Variants in RPTOR observed in about 807,000 individuals in gnomAD.
RPTOR encodes the protein regulatory associated protein of MTOR complex 1.
RPTOR carries 21 observed loss-of-function variants against 169.9 expected under a neutral mutation model. The observed-to-expected ratio is 0.12, with a 90% CI of 0.09 to 0.18. The LOEUF is 0.18. RPTOR is among the 10% of genes least tolerant of loss of function. The probability of loss-of-function intolerance (pLI) is 1.00; values close to 1 mark genes in which losing one functional copy is unlikely to be tolerated. For missense variants in RPTOR, 1,133 were observed against 1,855.9 expected (o/e 0.61, Z 7.16); for synonymous variants, 732 against 753.2 (o/e 0.97, Z 0.46).
rs2069328652 is a variant in RPTOR at position 80,960,842 on chromosome 17, C to G, written c.3606-552C>G. On this transcript the variant is annotated intron_variant, in intron 30 of 33. Coordinates refer to ENST00000306801, the MANE Select transcript of RPTOR (RefSeq NM_020761.3). The surrounding 1 kb of genome is among the most constrained non-coding windows in gnomAD (Gnocchi z 4.8). ...CGGGCACTGCCTCTGCTGAGCACCC[C>G]CGTGGGCAGGTGCTGTCCGGGCCTA... 6.1e-6 allele frequency: 1 copy of G among 164,366 alleles called. No individual in the cohort carries two copies. The highest frequency in any genetic ancestry group is 5.6e-5 in the Admixed American group (1 of 17,912). 10.2% of individuals were successfully genotyped at this position (164,366 alleles called of 1,614,324 possible).
chr17:80,613,715 G>T (rs1487884278), intron 1 of RPTOR, among the ~76,000 whole-genome samples: 1 of 147,966 alleles, frequency 6.8e-6, no homozygotes, highest in Non-Finnish European at 1.5e-5. Flanking sequence ...AGTGGTGTTG[G>T]ACTCGGGCTG....
intron 9 of RPTOR, among the ~76,000 whole-genome samples, chr17:80,832,589 C>T (rs1255401495): frequency 1.3e-5 from 2 of 152,178 alleles, no homozygotes; most frequent in African/African-American, 4.8e-5. Flanking sequence ...GGAGAACATT[C>T]GGCTCAGAAA....
At chr17:80,813,899 C>T (rs779004808) in intron 7 of RPTOR, among the ~76,000 whole-genome samples, 1 of 152,070 alleles carries the variant, frequency 6.6e-6, no homozygotes, top group African/African-American at 2.4e-5. Context: ...TTTGGGAGGC[C>T]GAGGCAGGTG....
intron 24 of RPTOR, among the ~76,000 whole-genome samples, chr17:80,931,767 G>A (rs1309275147): frequency 6.6e-6 from 1 of 152,212 alleles, no homozygotes; most frequent in Non-Finnish European, 1.5e-5. Flanking sequence ...CAGAGACACA[G>A]GCCCTGCCTC....
chr17:80,859,010 G>GGT (rs1275320293), intron 13 of RPTOR, among the ~76,000 whole-genome samples: 1 of 152,210 alleles, frequency 6.6e-6, no homozygotes, highest in Non-Finnish European at 1.5e-5. Context: ...CCTCCAGGAG[G>GGT]GTGGGCAGAG....
chr17:80,603,007 C>A (rs1219538805), intron 1 of RPTOR: 1 of 260,590 alleles, frequency 3.8e-6, no homozygotes, highest in Non-Finnish European at 7.4e-6. Flanking sequence ...CAGATGGGTT[C>A]TTTGTACTTC....
chr17:80,840,225 C>T (rs1417004592), intron 10 of RPTOR, among the ~76,000 whole-genome samples: 1 of 152,168 alleles, frequency 6.6e-6, no homozygotes, highest in African/African-American at 2.4e-5. Context: ...TGGAGTCACG[C>T]AGGGTGTAGT....
rs768597931 is a variant in RPTOR, at chr17:80,837,870, G to A, written c.1137-52G>A. The A allele has an allele frequency of 8.4e-6, 13 of 1,546,758 alleles. No individual in the cohort carries two copies. In the Admixed American group the frequency reaches 1.2e-4, roughly 15 times the overall value. ...CTCCTGTGCCCTGTGAAGTGGCCTC[G>A]TGTGGAAGCCCGTCCATAATGCTCA... On this transcript the variant is annotated intron_variant, in intron 9 of 33. Coordinates refer to ENST00000306801, the MANE Select transcript of RPTOR (RefSeq NM_020761.3).
At chr17:80,798,365 G>A (rs1238803553) in intron 7 of RPTOR, among the ~76,000 whole-genome samples, 1 of 152,194 alleles carries the variant, frequency 6.6e-6, no homozygotes, top group Non-Finnish European at 1.5e-5. Flanking sequence ...GCAGGGCCAC[G>A]CCACCTCCCA....
chr17:80,546,337 C>T (rs1351583043), intron 1 of RPTOR, among the ~76,000 whole-genome samples: 1 of 152,146 alleles, frequency 6.6e-6, no homozygotes, highest in Non-Finnish European at 1.5e-5. Context: ...AGATTTTCCT[C>T]CTTTTATGTA....
chr17:80,602,832 C>T lies in RPTOR; in HGVS notation c.163-22859C>T, dbSNP rs908767843. 34 of 614,942 alleles carry T rather than the reference C, an allele frequency of 5.5e-5. No homozygotes were observed. The Middle Eastern group carries it at 1.2e-3, about 22-fold the overall frequency. The allele number at this position is 614,942 out of a possible 1,614,324, so 38.1% of individuals were successfully genotyped here. ...CTTCATGAAGCCCACTCCGTGGACG[C>T]GCTGGTGAATGTTGATGGTGTCTTC... On this transcript the variant is annotated intron_variant, in intron 1 of 33. Transcript: ENST00000306801.
At chr17:80,663,435 A>T (rs750394605) in intron 3 of RPTOR, among the ~76,000 whole-genome samples, 1 of 151,466 alleles carries the variant, frequency 6.6e-6, no homozygotes, top group Non-Finnish European at 1.5e-5. Context: ...CTGCAGAGGA[A>T]TCTTTATTTA....
At chr17:80,733,772 G>A (rs560962137) in intron 5 of RPTOR, among the ~76,000 whole-genome samples, 18 of 152,224 alleles carry the variant, frequency 1.2e-4, no homozygotes, top group Non-Finnish European at 1.9e-4. Context: ...CTAGATTGAA[G>A]AGGCTGCGTC....
In RPTOR at chr17:80,649,843, C is replaced by T. The variant is rs532807000; in HGVS notation, c.348+6033C>T. On this transcript the variant is annotated intron_variant, in intron 3 of 33. Coordinates refer to ENST00000306801, the MANE Select transcript of RPTOR (RefSeq NM_020761.3). ...ACGTGCGTGCCGTGTTCAGTGAGAA[C>T]TCTGATTCATGCTCTTCAGCCAGAA... 1.7e-3 allele frequency among the ~76,000 whole-genome samples: 261 copies of T among 152,356 alleles called. 1 individual carries two copies. The highest frequency in any genetic ancestry group is 6.1e-3 in the African/African-American group (253 of 41,592).
At chr17:80,949,385 A>G in intron 27 of RPTOR, 58 bp from the exon 28 acceptor site, 1 of 1,429,718 alleles carries the variant, frequency 7.0e-7, no homozygotes, top group East Asian at 2.3e-5. Flanking sequence ...CCACGCACAG[A>G]GCACAGGCCA....
chr17:80,943,694 C>T lies in RPTOR; in HGVS notation c.3026-1973C>T, dbSNP rs982295831. ...CACAGGGAAGACTGGAGGCGGGCAA[C>T]GGTCCTCTGAGCCAGACCAGAAGTT... On this transcript the variant is annotated intron_variant, in intron 25 of 33. Coordinates refer to ENST00000306801, the MANE Select transcript of RPTOR (RefSeq NM_020761.3). Among the ~76,000 whole-genome samples the T allele has an allele frequency of 7.3e-5, 11 of 150,378 alleles. No homozygotes were observed. In the South Asian group the frequency reaches 8.4e-4, roughly 12 times the overall value.
Position 80,923,634 on chromosome 17 carries a change from C to T in RPTOR, c.2769C>T (p.Phe923=), listed in dbSNP as rs1316314501. 2 of 1,608,918 alleles carry T rather than the reference C, an allele frequency of 1.2e-6. No homozygotes were observed. Among genetic ancestry groups the T allele is most frequent in the African/African-American group, 1.3e-5 (1 of 74,998 alleles). ...GAQYTPHSHQ[F]PRTRKMFDKG... The stretch of plus-strand genomic sequence containing the variant: ...AGTACACCCCTCACTCCCACCAGTT[C>T]CCCCGGACACGGAAGATGTTCGACA... The change falls in exon 23 of 34, where the codon TTC becomes TTT. Residue 923 remains phenylalanine, a synonymous_variant. Transcript: ENST00000306801.
intron 21 of RPTOR, among the ~76,000 whole-genome samples, chr17:80,914,229 G>A (rs575291024): frequency 1.1e-4 from 16 of 152,362 alleles, no homozygotes; most frequent in Admixed American, 3.3e-4. Flanking sequence ...GGCAGGGACC[G>A]GTGGAATCCC....
intron 5 of RPTOR, among the ~76,000 whole-genome samples, chr17:80,751,090 G>A (rs569550974): frequency 8.5e-5 from 13 of 152,330 alleles, no homozygotes; most frequent in African/African-American, 3.1e-4. Flanking sequence ...AGAAATTTGA[G>A]ATGTTAAAAA....
Sources: allele counts gnomAD v4.1 joint callset (sites outside exome capture counted in the v4.1 genomes callset), GRCh38; gene constraint gnomAD v4.1.1; non-coding constraint Gnocchi (gnomAD v3.1); transcripts MANE v1.5; gene names NCBI Gene and HGNC (gene_info 2026-07-23, HGNC 2026-07-21).